The following GNPTAB variants were observed in gnomAD, a reference collection of about 807,000 sequenced individuals.
GNPTAB encodes N-acetylglucosamine-1-phosphate transferase subunits alpha and beta, also known as N-acetylglucosamine-1-phosphotransferase subunits alpha/beta.
A neutral mutation model predicts 136.6 loss-of-function variants in GNPTAB; 92 were observed. The observed-to-expected ratio is 0.67, with a 90% CI of 0.57 to 0.80. GNPTAB has a LOEUF of 0.80. Ranked by LOEUF, GNPTAB falls within the 30% of genes least tolerant of loss-of-function variation. The pLI is 0.00. For missense variants in GNPTAB, 1,343 were observed against 1,501.8 expected, an observed-to-expected ratio of 0.89 and a Z score of 1.75; for synonymous variants, 512 against 535.1, an observed-to-expected ratio of 0.96 and a Z score of 0.60.
chr12:101,791,829 C>T (rs1030764926), intron 2 of GNPTAB, among the ~76,000 whole-genome samples: 2 of 152,174 alleles, frequency 1.3e-5, no homozygotes, highest in Admixed American at 6.5e-5. Flanking sequence ...CAACCTTTAG[C>T]TTACAAGAAG....
In GNPTAB at chr12:101,746,265, T is replaced by C. The variant is rs1349029395; in HGVS notation, c.*899A>G. The C allele has an allele frequency of 6.7e-6, 1 of 150,220 alleles. No homozygotes were observed. The highest frequency in any genetic ancestry group is 1.5e-5 in the Non-Finnish European group (1 of 67,010). 9.3% of individuals were successfully genotyped at this position (150,220 alleles called of 1,614,324 possible). On this transcript the variant is annotated 3_prime_UTR_variant, in exon 21 of 21. Transcript: ENST00000299314. Reference sequence around the variant, plus strand: ...CTAACCAGCCTTTTACAAAGAAAGTTTGCTGGCCTCTGTTCTATCAAAAAC... The same window carrying C: ...CTAACCAGCCTTTTACAAAGAAAGTCTGCTGGCCTCTGTTCTATCAAAAAC...
chr12:101,773,313 T>A (rs1173047378), intron 7 of GNPTAB: 2 of 254,640 alleles, frequency 7.9e-6, no homozygotes, highest in African/African-American at 2.3e-5. Flanking sequence ...CCCCCCATGC[T>A]CTCCACCTGC....
intron 11 of GNPTAB, among the ~76,000 whole-genome samples, chr12:101,767,658 T>C (rs1045430105): frequency 8.5e-5 from 13 of 152,368 alleles, no homozygotes; most frequent in African/African-American, 3.1e-4. Context: ...GCTGTCACTC[T>C]GCCGCCCAGG....
intron 11 of GNPTAB, 75 bp from the exon 12 acceptor site, chr12:101,766,369 G>A (rs965164052): frequency 1.8e-5 from 23 of 1,287,776 alleles, no homozygotes; most frequent in Non-Finnish European, 2.4e-5. Context: ...TGGGTGTGGT[G>A]GCTGACGCCT....
chr12:101,784,271 G>C (rs1344987180), intron 5 of GNPTAB, among the ~76,000 whole-genome samples: 1 of 152,208 alleles, frequency 6.6e-6, no homozygotes, highest in Non-Finnish European at 1.5e-5. Context: ...TTGAAGTGGG[G>C]CTGGACGAAG....
intron 1 of GNPTAB, among the ~76,000 whole-genome samples, chr12:101,813,280 C>T (rs1447230175): frequency 6.6e-6 from 1 of 152,148 alleles, no homozygotes; most frequent in Non-Finnish European, 1.5e-5. Context: ...TTACAGCCCA[C>T]ACAAAAAACA....
chr12:101,772,302 A>G (rs1953188522), intron 7 of GNPTAB, among the ~76,000 whole-genome samples: 1 of 152,190 alleles, frequency 6.6e-6, no homozygotes, highest in Non-Finnish European at 1.5e-5. Context: ...TTCTTTCTCA[A>G]TCTATAAAAC....
intron 7 of GNPTAB, among the ~76,000 whole-genome samples, chr12:101,776,445 C>G (rs2137132034): frequency 6.6e-6 from 1 of 152,286 alleles, no homozygotes; most frequent in South Asian, 2.1e-4. Context: ...ATTAGAAAGT[C>G]TCTTACAGAA....
chr12:101,821,647 G>A (rs994448236), intron 1 of GNPTAB, among the ~76,000 whole-genome samples: 1 of 152,148 alleles, frequency 6.6e-6, no homozygotes, highest in Admixed American at 6.5e-5. Flanking sequence ...TGTGACGCCT[G>A]CTCCACCTCA....
chr12:101,763,135 T>C (rs1953026881), intron 13 of GNPTAB, among the ~76,000 whole-genome samples: 1 of 149,590 alleles, frequency 6.7e-6, no homozygotes. Context: ...GACAGGAGAA[T>C]CTCTTGAACC....
chr12:101,759,481 A>G (rs2137109872), intron 16 of GNPTAB, among the ~76,000 whole-genome samples: 2 of 152,132 alleles, frequency 1.3e-5, no homozygotes, highest in East Asian at 1.9e-4. Context: ...ATAGCAGATT[A>G]ATGGCTGTAT....
chr12:101,778,744 T>C (rs1953294698), intron 7 of GNPTAB: 1 of 152,058 alleles, frequency 6.6e-6, no homozygotes, highest in Non-Finnish European at 1.5e-5. Context: ...CCCTCTCTAC[T>C]TAAAATACAA....
intron 7 of GNPTAB, 33 bp downstream of exon 7, chr12:101,780,119 C>A: frequency 6.3e-7 from 1 of 1,596,194 alleles, no homozygotes. Context: ...TGAGAATGTG[C>A]CAGGCTAATT....
At chr12:101,801,963 G>T (rs76138138) in intron 1 of GNPTAB, among the ~76,000 whole-genome samples, 2,380 of 152,102 alleles carry the variant, frequency 0.016, 71 homozygotes, top group African/African-American at 0.054. Context: ...CAAGGCTGGA[G>T]GATGGCTTGA....
chr12:101,750,048 A>C (rs1216929838), intron 19 of GNPTAB, among the ~76,000 whole-genome samples: 1 of 152,244 alleles, frequency 6.6e-6, no homozygotes, highest in African/African-American at 2.4e-5. Flanking sequence ...GAAAGGAAGC[A>C]GTGACAATGA....
intron 4 of GNPTAB, among the ~76,000 whole-genome samples, chr12:101,787,205 A>T (rs2137146037): frequency 6.6e-6 from 1 of 152,332 alleles, no homozygotes; most frequent in South Asian, 2.1e-4. Flanking sequence ...ACCTAAATAT[A>T]AGTATCATGA....
At chr12:101,812,583 C>A (rs1870295064) in intron 1 of GNPTAB, among the ~76,000 whole-genome samples, 1 of 151,864 alleles carries the variant, frequency 6.6e-6, no homozygotes, top group African/African-American at 2.4e-5. Flanking sequence ...TGGTGAGAAC[C>A]CCCCCATCTC....
At chr12:101,785,715 A>C (rs1296205123) in intron 5 of GNPTAB, 2 of 351,002 alleles carry the variant, frequency 5.7e-6, no homozygotes, top group Non-Finnish European at 1.0e-5. Context: ...GTTATATAGT[A>C]GAAAAATTGC....
intron 1 of GNPTAB, among the ~76,000 whole-genome samples, chr12:101,797,184 G>A (rs1043748119): frequency 3.9e-5 from 6 of 152,132 alleles, no homozygotes; most frequent in Non-Finnish European, 8.8e-5. Context: ...GATAACTGTT[G>A]AGAAATGGGT....
Sources: gnomAD v4.1 joint callset for allele counts (sites outside exome capture counted in the v4.1 genomes callset) on GRCh38, gnomAD v4.1.1 for gene constraint, MANE v1.5 for transcripts, NCBI Gene and HGNC (gene_info 2026-07-23, HGNC 2026-07-21) for gene names.